The following SNAI1 variants were observed in gnomAD, a reference collection of about 807,000 sequenced individuals.
The protein encoded by SNAI1 is snail family transcriptional repressor 1, also known as zinc finger protein SNAI1.
Under a neutral mutation model 24.7 loss-of-function variants are expected in SNAI1, and 15 were observed. The ratio of observed to expected loss-of-function variants is 0.61; its 90% CI spans 0.41 to 0.93. SNAI1 has a LOEUF of 0.93. Among genes scored for constraint, SNAI1 ranks in the 40% least tolerant of loss-of-function variants. SNAI1 has a pLI of 0.00. For synonymous variants in SNAI1, 163 were observed against 142.9 expected (o/e 1.14, Z -1.00); for missense variants, 283 against 336.7 (o/e 0.84, Z 1.25).
chr20:49,983,187 G>T, intron 1 of SNAI1, 46 bp downstream of exon 1: 2 of 1,457,970 alleles, frequency 1.4e-6, no homozygotes. Context: ...GGGGAGACAG[G>T]CGAAGGCTGC....
rs767416451 is a variant in SNAI1 at position 49,983,018 on chromosome 20, G to C, written c.-42G>C. The C allele has an allele frequency of 1.3e-6, 2 of 1,490,510 alleles. No homozygotes were observed. The highest frequency in any genetic ancestry group is 2.3e-5 in the East Asian group (1 of 42,616). The allele number at this position is 1,490,510 out of a possible 1,614,324, so 92.3% of individuals were successfully genotyped here. A position where few individuals can be genotyped will look rare whatever the true frequency, so the allele number is the denominator to read the frequency against. On this transcript the variant is annotated 5_prime_UTR_variant, in exon 1 of 3. Transcript: ENST00000244050. ...ACGGCCTAGCGAGTGGTTCTTCTGC[G>C]CTACTGCTGCGCGAATCGGCGACCC...
intron 2 of SNAI1, among the ~76,000 whole-genome samples, chr20:49,985,279 G>T (rs1167228681): frequency 1.3e-5 from 2 of 152,206 alleles, no homozygotes; most frequent in Non-Finnish European, 2.9e-5. Flanking sequence ...AGTTGAGGGA[G>T]AAGATTCCAC....
chr20:49,984,095 C>T lies in SNAI1; in HGVS notation c.354C>T (p.Val118=). 1 of 1,614,252 alleles carries T rather than the reference C, an allele frequency of 6.2e-7. No homozygotes were observed. Among genetic ancestry groups the T allele is most frequent in the Non-Finnish European group, 8.5e-7 (1 of 1,180,042 alleles). The change falls in exon 2 of 3, where the codon GTC becomes GTT. Residue 118 remains valine, a synonymous_variant. Transcript: ENST00000244050. ...CTTCGTCCTTCTCCTCTACTTCAGTCTCTTCCTTGGAGGCCGAGGCCTATG... is the reference window on the plus strand; with the variant it reads ...CTTCGTCCTTCTCCTCTACTTCAGTTTCTTCCTTGGAGGCCGAGGCCTATG... ...PAPSSFSSTS[V]SSLEAEAYAA... is the part of the protein sequence containing the mutation.
chr20:49,984,858 T>C (rs1467103772), intron 2 of SNAI1, among the ~76,000 whole-genome samples: 1 of 152,256 alleles, frequency 6.6e-6, no homozygotes, highest in Non-Finnish European at 1.5e-5. Flanking sequence ...AATGCAGGAA[T>C]GCATATGGGA....
rs142763927 is a variant in SNAI1, at chr20:49,987,981, G to A, written c.720G>A (p.Ala240=). 241 of 1,613,932 alleles carry A rather than the reference G, an allele frequency of 1.5e-4. No individual in the cohort carries two copies. The African/African-American group carries it at 2.3e-3, about 16-fold the overall frequency. ...HSDVKKYQCQ[A]CARTFSRMSL... is the part of the protein sequence containing the mutation. ...ATGTCAAGAAGTACCAGTGCCAGGC[G>A]TGTGCTCGGACCTTCTCCCGAATGT... Residue 240 remains alanine, a synonymous_variant, in exon 3 of 3, where the codon GCG becomes GCA. Coordinates refer to ENST00000244050, the MANE Select transcript of SNAI1 (RefSeq NM_005985.4).
rs2078326231 is a variant in SNAI1, at chr20:49,984,067, C to T, written c.326C>T (p.Ala109Val). Residue 109 changes from alanine (A) to valine (V), a missense_variant, in exon 2 of 3, where the codon GCT becomes GTT. By Grantham distance (64) the Ala-to-Val change is moderately conservative. Transcript: ENST00000244050. ...GSQPPSPPSP[A>V]PSSFSSTSVS... ...CAGCCCCCCAGCCCACCCTCACCGG[C>T]TCCTTCGTCCTTCTCCTCTACTTCA... 1 of 1,614,032 alleles carries T rather than the reference C, an allele frequency of 6.2e-7. No individual in the cohort carries two copies. Among genetic ancestry groups the T allele is most frequent in the Non-Finnish European group, 8.5e-7 (1 of 1,180,018 alleles).
intron 1 of SNAI1, among the ~76,000 whole-genome samples, chr20:49,983,436 G>A (rs996692271): frequency 2.7e-5 from 4 of 149,296 alleles, no homozygotes; most frequent in Admixed American, 6.8e-5. Context: ...TGTCAGGAGG[G>A]CCCTCTGGAC....
rs1291846993 is a variant in SNAI1, at chr20:49,987,539, G to A, written c.611-333G>A. On this transcript the variant is annotated intron_variant, in intron 2 of 2. Coordinates refer to ENST00000244050, the MANE Select transcript of SNAI1 (RefSeq NM_005985.4). ...GAATCAGTAAAGGTGTTGAGTCATTGTTGACCACTTCGCACGTCCCTGCGG... is the reference window on the plus strand; with the variant it reads ...GAATCAGTAAAGGTGTTGAGTCATTATTGACCACTTCGCACGTCCCTGCGG... 2.0e-5 allele frequency among the ~76,000 whole-genome samples: 3 copies of A among 152,170 alleles called. No individual in the cohort carries two copies. In the South Asian group the frequency reaches 6.2e-4, roughly 32 times the overall value.
chr20:49,984,453 G>T (rs962734617), intron 2 of SNAI1, 102 bp downstream of exon 2: 2 of 1,190,082 alleles, frequency 1.7e-6, no homozygotes, highest in Non-Finnish European at 2.3e-6. Flanking sequence ...CTGAGGCCCC[G>T]AGTCTTCTAA....
intron 2 of SNAI1, 55 bp from the exon 3 acceptor site, chr20:49,987,817 C>G: frequency 3.3e-6 from 5 of 1,532,966 alleles, no homozygotes; most frequent in Non-Finnish European, 4.5e-6. Flanking sequence ...GGATTCCCAT[C>G]ACTGCCAGCC....
At chr20:49,986,193 A>G (rs1968689778) in intron 2 of SNAI1, among the ~76,000 whole-genome samples, 2 of 152,194 alleles carry the variant, frequency 1.3e-5, no homozygotes, top group South Asian at 2.1e-4. Context: ...AAGACTTAGA[A>G]TGCAATCAAC....
chr20:49,987,894 C>T lies in SNAI1; in HGVS notation c.633C>T (p.Pro211=), dbSNP rs111475890. The change falls in exon 3 of 3, where the codon CCC becomes CCT. Residue 211 remains proline, a synonymous_variant. Transcript: ENST00000244050. The part of the protein sequence containing the change: ...THTGEKPFSC[P]HCSRAFADRS... ...CAGGCGAGAAGCCCTTCTCCTGTCC[C>T]CACTGCAGCCGTGCCTTCGCTGACC... 1 of 1,614,138 alleles carries T rather than the reference C, an allele frequency of 6.2e-7. No individual in the cohort carries two copies. Among genetic ancestry groups the T allele is most frequent in the South Asian group, 1.1e-5 (1 of 91,088 alleles).
chr20:49,988,303 T>A lies in SNAI1; in HGVS notation c.*247T>A. The A allele has an allele frequency of 2.0e-6, 1 of 489,920 alleles. No homozygotes were observed. Among genetic ancestry groups the A allele is most frequent in the East Asian group, 3.6e-5 (1 of 28,160 alleles). The allele number at this position is 489,920 out of a possible 1,614,324, so 30.3% of individuals were successfully genotyped here. ...AGGGAGGGCAGCTGGCCCCCAGCCC[T>A]GGGGGATTCCTGAGCTGGCCTGTCT... On this transcript the variant is annotated 3_prime_UTR_variant, in exon 3 of 3. Coordinates refer to ENST00000244050, the MANE Select transcript of SNAI1 (RefSeq NM_005985.4).
chr20:49,982,994 C>A lies in SNAI1; in HGVS notation c.-66C>A. ...CTGCTGCATTCATTGCGCCGCGGCA[C>A]GGCCTAGCGAGTGGTTCTTCTGCGC... On this transcript the variant is annotated 5_prime_UTR_variant, in exon 1 of 3. Coordinates refer to ENST00000244050, the MANE Select transcript of SNAI1 (RefSeq NM_005985.4). The A allele has an allele frequency of 2.6e-6, 3 of 1,171,006 alleles. No individual in the cohort carries two copies. Among genetic ancestry groups the A allele is most frequent in the Non-Finnish European group, 3.7e-6 (3 of 800,784 alleles). 72.5% of individuals were successfully genotyped at this position (1,171,006 alleles called of 1,614,324 possible).
At chr20:49,984,508 C>T (rs766372398) in intron 2 of SNAI1, among the ~76,000 whole-genome samples, 157 bp downstream of exon 2, 5 of 152,248 alleles carry the variant, frequency 3.3e-5, no homozygotes, top group Non-Finnish European at 7.3e-5. Context: ...AAACGTTTGG[C>T]AGAAACTTTC....
intron 1 of SNAI1, among the ~76,000 whole-genome samples, 183 bp downstream of exon 1, chr20:49,983,324 T>C (rs916217717): frequency 1.9e-4 from 28 of 147,692 alleles, no homozygotes; most frequent in African/African-American, 6.5e-4. Context: ...TCTGGGTGGT[T>C]GGGGGAGTGC....
In SNAI1 at chr20:49,983,079, T is replaced by G; in HGVS notation, c.20T>G (p.Val7Gly). MPRSFL[V>G]RKPSDPNRKP... ...ACCACTATGCCGCGCTCTTTCCTCGTCAGGAAGCCCTCCGACCCCAATCGG... is the reference window on the plus strand; with the variant it reads ...ACCACTATGCCGCGCTCTTTCCTCGGCAGGAAGCCCTCCGACCCCAATCGG... The change falls in exon 1 of 3, where the codon GTC becomes GGC. Residue 7 changes from valine (V) to glycine (G), a missense_variant. Transcript: ENST00000244050. The G allele has an allele frequency of 6.2e-7, 1 of 1,613,728 alleles. No homozygotes were observed. The highest frequency in any genetic ancestry group is 8.5e-7 in the Non-Finnish European group (1 of 1,179,952).
chr20:49,984,492 C>T lies in SNAI1; in HGVS notation c.610+141C>T. On this transcript the variant is annotated intron_variant, in intron 2 of 2. Coordinates refer to ENST00000244050, the MANE Select transcript of SNAI1 (RefSeq NM_005985.4). Reference sequence around the variant, plus strand: ...CTAGCTCAAGTTCCAGGGCCTGGCTCTCTGGAAACGTTTGGCAGAAACTTT... The same window carrying T: ...CTAGCTCAAGTTCCAGGGCCTGGCTTTCTGGAAACGTTTGGCAGAAACTTT... 4 of 877,250 alleles carry T rather than the reference C, an allele frequency of 4.6e-6. No homozygotes were observed. The East Asian group carries it at 1.1e-4, about 23-fold the overall frequency. The allele number at this position is 877,250 out of a possible 1,614,324, so 54.3% of individuals were successfully genotyped here.
Position 49,988,212 on chromosome 20 carries a change from C to A in SNAI1, c.*156C>A, listed in dbSNP as rs1600889164. 1.6e-6 allele frequency: 1 copy of A among 643,838 alleles called. No individual in the cohort carries two copies. The highest frequency in any genetic ancestry group is 1.9e-5 in the African/African-American group (1 of 53,758). 39.9% of individuals were successfully genotyped at this position (643,838 alleles called of 1,614,324 possible). Reference sequence around the variant, plus strand: ...CAGCCCCACAGGACTTTGATGAAGACCATTTTCTGGTTCTGTGTCCTCTGC... The same window carrying A: ...CAGCCCCACAGGACTTTGATGAAGAACATTTTCTGGTTCTGTGTCCTCTGC... On this transcript the variant is annotated 3_prime_UTR_variant, in exon 3 of 3. Coordinates refer to ENST00000244050, the MANE Select transcript of SNAI1 (RefSeq NM_005985.4).
Sources: allele counts gnomAD v4.1 joint callset (sites outside exome capture counted in the v4.1 genomes callset), GRCh38; gene constraint gnomAD v4.1.1; transcripts MANE v1.5; gene names NCBI Gene and HGNC (gene_info 2026-07-23, HGNC 2026-07-21).